Variants in PBX1 observed in about 807,000 individuals in gnomAD.
PBX1 encodes PBX homeobox 1.
PBX1 carries 6 observed loss-of-function variants against 53.4 expected under a neutral mutation model. The ratio of observed to expected loss-of-function variants is 0.11; its 90% CI spans 0.06 to 0.22. The LOEUF (loss-of-function observed/expected upper bound fraction) is 0.22, where lower values mean the gene tolerates loss of function less well. Ranked by LOEUF, PBX1 falls within the 10% of genes least tolerant of loss-of-function variation. PBX1 has a pLI of 1.00. For synonymous variants in PBX1, 204 were observed against 212.3 expected, an observed-to-expected ratio of 0.96 and a Z score of 0.34; for missense variants, 251 against 551.4, an observed-to-expected ratio of 0.46 and a Z score of 5.46.
intron 2 of PBX1, among the ~76,000 whole-genome samples, chr1:164,628,372 G>A (rs551675683): frequency 1.3e-5 from 2 of 152,224 alleles, no homozygotes; most frequent in Admixed American, 6.5e-5. Context: ...CTCTTTCTCC[G>A]AGTCCGAACA....
intron 2 of PBX1, among the ~76,000 whole-genome samples, chr1:164,655,408 C>T (rs569493004): frequency 2.7e-4 from 41 of 152,206 alleles, no homozygotes; most frequent in Non-Finnish European, 4.7e-4. Flanking sequence ...CCACTGTGCC[C>T]GGCCTCTGAA....
chr1:164,745,058 G>A (rs1481361020), intron 2 of PBX1, among the ~76,000 whole-genome samples: 1 of 152,214 alleles, frequency 6.6e-6, no homozygotes, highest in Non-Finnish European at 1.5e-5. Context: ...AACTGAGTCA[G>A]AGAGCAGCAG....
In PBX1 at chr1:164,865,268, G is replaced by A. The variant is rs138725922; in HGVS notation, n.257+33785G>A. On this transcript the variant is annotated intron_variant and non_coding_transcript_variant, in intron 2 of 2. Transcript: ENST00000558796. ...AAATGTGTGTTGAATGAATGGATCCGTTTATGCTGCCCTAAAGCATTCTCA... is the reference window on the plus strand; with the variant it reads ...AAATGTGTGTTGAATGAATGGATCCATTTATGCTGCCCTAAAGCATTCTCA... Among the ~76,000 whole-genome samples, 363 of 152,276 alleles carry A rather than the reference G, an allele frequency of 2.4e-3. 1 individual carries two copies. The highest frequency in any genetic ancestry group is 4.2e-3 in the Non-Finnish European group (285 of 68,014).
chr1:164,738,893 C>T (rs921517694), intron 2 of PBX1, among the ~76,000 whole-genome samples: 3 of 152,190 alleles, frequency 2.0e-5, no homozygotes, highest in African/African-American at 7.2e-5. Flanking sequence ...CACACCTTTT[C>T]CAAGAAACCT....
intron 2 of PBX1, among the ~76,000 whole-genome samples, chr1:164,738,218 G>A (rs1208971520): frequency 6.6e-6 from 1 of 152,148 alleles, no homozygotes; most frequent in Non-Finnish European, 1.5e-5. Context: ...GAACATTTGT[G>A]TGCAAATCTG....
chr1:164,621,459 G>C (rs998753842), intron 2 of PBX1, among the ~76,000 whole-genome samples: 1 of 152,126 alleles, frequency 6.6e-6, no homozygotes, highest in African/African-American at 2.4e-5. Context: ...TGCCTGGGGG[G>C]TGCTATTTAG....
At chr1:164,754,364 G>A (rs1225673206) in intron 2 of PBX1, among the ~76,000 whole-genome samples, 2 of 152,166 alleles carry the variant, frequency 1.3e-5, no homozygotes, top group Non-Finnish European at 2.9e-5. Flanking sequence ...AGACTGTGTC[G>A]GGAGAACCTT....
At chr1:164,723,108 G>C (rs1172256638) in intron 2 of PBX1, among the ~76,000 whole-genome samples, 1 of 152,156 alleles carries the variant, frequency 6.6e-6, no homozygotes, top group East Asian at 1.9e-4. Flanking sequence ...AACTTGTACT[G>C]ATTGAGCACC....
chr1:164,609,936 T>TG (rs929964879), intron 2 of PBX1, among the ~76,000 whole-genome samples: 6 of 152,122 alleles, frequency 3.9e-5, no homozygotes, highest in Non-Finnish European at 5.9e-5. Flanking sequence ...GCCCCATGAC[T>TG]GGGGGGTGTC....
chr1:164,605,407 T>C (rs1571050102), intron 2 of PBX1: 1 of 152,344 alleles, frequency 6.6e-6, no homozygotes, highest in East Asian at 1.9e-4. Flanking sequence ...ACAAGTCTTT[T>C]AGGGACAGCC....
chr1:164,658,427 A>G (rs1023565094), intron 2 of PBX1, among the ~76,000 whole-genome samples: 6 of 152,228 alleles, frequency 3.9e-5, no homozygotes, highest in African/African-American at 1.4e-4. Flanking sequence ...TGACCAAAAT[A>G]AGTACAGATA....
chr1:164,799,928 T>A, intron 4 of PBX1, 39 bp downstream of exon 4: 1 of 1,561,936 alleles, frequency 6.4e-7, no homozygotes. Flanking sequence ...TCTCTGGGAG[T>A]CCCTGATCTG....
intron 2 of PBX1, among the ~76,000 whole-genome samples, chr1:164,643,722 A>C (rs1659287423): frequency 6.6e-6 from 1 of 152,202 alleles, no homozygotes; most frequent in Admixed American, 6.5e-5. Flanking sequence ...AGATTCTTAC[A>C]AATAGCCAAC....
intron 2 of PBX1, chr1:164,884,685 G>C (rs1672737427): frequency 3.1e-6 from 1 of 325,986 alleles, no homozygotes. Context: ...GAAGCAAAAG[G>C]ATACCTGCTG....
intron 2 of PBX1, among the ~76,000 whole-genome samples, chr1:164,624,843 T>C (rs1417058954): frequency 3.3e-5 from 5 of 152,132 alleles, no homozygotes; most frequent in African/African-American, 1.2e-4. Context: ...TTCACAGAGG[T>C]TGGGAGCTTC....
At chr1:164,655,111 T>TTTTA (rs1660078183) in intron 2 of PBX1, among the ~76,000 whole-genome samples, 1 of 150,696 alleles carries the variant, frequency 6.6e-6, no homozygotes, top group South Asian at 2.1e-4. Context: ...TTTTTTTTTT[T>TTTTA]TTTTTATTTT....
Position 164,559,234 on chromosome 1 carries a change from G to A in PBX1, c.-589G>A. 5.4e-6 allele frequency: 1 copy of A among 184,864 alleles called. No homozygotes were observed. Among genetic ancestry groups the A allele is most frequent in the Non-Finnish European group, 1.1e-5 (1 of 87,652 alleles). 11.5% of individuals were successfully genotyped at this position (184,864 alleles called of 1,614,324 possible). A position where few individuals can be genotyped will look rare whatever the true frequency, so the allele number is the denominator to read the frequency against. The stretch of plus-strand genomic sequence containing the variant: ...CTGCTGGAGTTTGCAGAGACACGGA[G>A]GAGGAGAGAGCCTGTGCTTTGCCTG... On this transcript the variant is annotated 5_prime_UTR_variant, in exon 1 of 9. Coordinates refer to ENST00000420696, the MANE Select transcript of PBX1 (RefSeq NM_002585.4).
intron 2 of PBX1, among the ~76,000 whole-genome samples, chr1:164,670,673 G>T (rs1661063755): frequency 1.3e-5 from 2 of 152,172 alleles, no homozygotes. Context: ...GCTTTTAGAG[G>T]CATAAAGCAA....
At chr1:164,698,334 C>T (rs1469276464) in intron 2 of PBX1, among the ~76,000 whole-genome samples, 1 of 152,152 alleles carries the variant, frequency 6.6e-6, no homozygotes, top group Non-Finnish European at 1.5e-5. Context: ...AAATAATAAG[C>T]ACAGAGTGTT....
Sources: gnomAD v4.1 joint callset for allele counts (sites outside exome capture counted in the v4.1 genomes callset) on GRCh38, gnomAD v4.1.1 for gene constraint, MANE v1.5 for transcripts, NCBI Gene and HGNC (gene_info 2026-07-23, HGNC 2026-07-21) for gene names.